Variants in TBC1D20 observed in about 807,000 individuals in gnomAD.
TBC1D20 encodes the protein chromosome 20 open reading frame 140.
A neutral mutation model predicts 41.6 loss-of-function variants in TBC1D20; 12 were observed. That is an observed-to-expected ratio of 0.29 (90% CI 0.18 to 0.47). The LOEUF is 0.47. Ranked by LOEUF, TBC1D20 falls within the 20% of genes least tolerant of loss-of-function variation. The probability of loss-of-function intolerance (pLI) is 1.00; values close to 1 mark genes in which losing one functional copy is unlikely to be tolerated. For missense variants in TBC1D20, 421 were observed against 517.4 expected (o/e 0.81, Z 1.81); for synonymous variants, 205 against 204.8 (o/e 1.00, Z -0.01).
chr20:439,195 G>C lies in TBC1D20; in HGVS notation c.869C>G (p.Thr290Arg), dbSNP rs771582965. 3 of 1,614,202 alleles carry C rather than the reference G, an allele frequency of 1.9e-6. No homozygotes were observed. The South Asian group carries it at 3.3e-5, about 18-fold the overall frequency. Residue 290 changes from threonine to arginine, a missense_variant, in exon 7 of 8, where the codon ACA (threonine) becomes AGA (arginine). Thr to Arg is a moderately conservative substitution (Grantham distance 71). Transcript: ENST00000354200. This position sits in a 1 kb window ranked among gnomAD's most constrained non-coding sequence, Gnocchi z 4.6. The stretch of plus-strand genomic sequence containing the variant: ...AAGGTCTCCTGCTCTGCTGATCAGT[G>C]TCTCATAGGGCAAGTCCTGAGGGAT... ...SQIPQDLPYETLISRAGDLFV... is the reference protein window; with the variant it reads ...SQIPQDLPYERLISRAGDLFV...
rs1052791789 is a variant in TBC1D20, at chr20:435,959, G to A, written c.*2627C>T. On this transcript the variant is annotated 3_prime_UTR_variant, in exon 8 of 8. Transcript: ENST00000354200. The stretch of plus-strand genomic sequence containing the variant: ...GGAGAAGGTCACAGACAGAGATTCC[G>A]TTTTCTGAGGCCTGCAGTGTCCCAA... 2.0e-5 allele frequency: 3 copies of A among 152,320 alleles called. No homozygotes were observed. Among genetic ancestry groups the A allele is most frequent in the Non-Finnish European group, 2.9e-5 (2 of 68,128 alleles). The allele number at this position is 152,320 out of a possible 1,614,324, so 9.4% of individuals were successfully genotyped here. A position where few individuals can be genotyped will look rare whatever the true frequency, so the allele number is the denominator to read the frequency against.
chr20:442,115 G>T, intron 3 of TBC1D20, 72 bp from the exon 4 acceptor site: 1 of 1,342,918 alleles, frequency 7.4e-7, no homozygotes, highest in Non-Finnish European at 1.0e-6. Flanking sequence ...AAGAAGGCCA[G>T]CAATGAATTT....
Position 448,147 on chromosome 20 carries a change from C to T in TBC1D20, c.71-73G>A, listed in dbSNP as rs149283080. 5.0e-4 allele frequency: 546 copies of T among 1,097,344 alleles called. 2 individuals are homozygous for T. The East Asian group carries it at 7.6e-3, about 15-fold the overall frequency. 68.0% of individuals were successfully genotyped at this position (1,097,344 alleles called of 1,614,324 possible). On this transcript the variant is annotated intron_variant, in intron 1 of 7. Coordinates refer to ENST00000354200, the MANE Select transcript of TBC1D20 (RefSeq NM_144628.4). ...TATTTTCTGCCTAGGACTCAAGCTC[C>T]TTTTTGATATGAGGTACAGGTAAGT... is the stretch of plus-strand genomic sequence containing the variant.
intron 2 of TBC1D20, 101 bp downstream of exon 2, chr20:447,788 T>C: frequency 9.9e-7 from 1 of 1,012,936 alleles, no homozygotes; most frequent in African/African-American, 1.6e-5. Flanking sequence ...TTTATTCATA[T>C]ACCCTTGGTT....
intron 1 of TBC1D20, among the ~76,000 whole-genome samples, chr20:460,215 C>G (rs1358221519): frequency 6.6e-6 from 1 of 151,840 alleles, no homozygotes; most frequent in African/African-American, 2.4e-5. Context: ...AAGGGGGGGG[C>G]CGTTTTGTGT....
chr20:435,747 T>G lies in TBC1D20; in HGVS notation c.*2839A>C, dbSNP rs542444432. On this transcript the variant is annotated 3_prime_UTR_variant, in exon 8 of 8. Transcript: ENST00000354200. ...ATAGGCATGGCTGAAGCATGGCAGCTGTGTTGAGATGAAACTGGACAAAAA... is the reference window on the plus strand; with the variant it reads ...ATAGGCATGGCTGAAGCATGGCAGCGGTGTTGAGATGAAACTGGACAAAAA... 1 of 152,606 alleles carries G rather than the reference T, an allele frequency of 6.6e-6. No individual in the cohort carries two copies. Among genetic ancestry groups the G allele is most frequent in the South Asian group, 2.1e-4 (1 of 4,850 alleles). 9.5% of individuals were successfully genotyped at this position (152,606 alleles called of 1,614,324 possible).
At chr20:456,590 T>A (rs1351968753) in intron 1 of TBC1D20, among the ~76,000 whole-genome samples, 1 of 151,956 alleles carries the variant, frequency 6.6e-6, no homozygotes, top group East Asian at 1.9e-4. Flanking sequence ...TGAGACGGAG[T>A]TACGCTCTTT....
At chr20:459,435 C>T (rs2017594300) in intron 1 of TBC1D20, among the ~76,000 whole-genome samples, 1 of 152,122 alleles carries the variant, frequency 6.6e-6, no homozygotes, top group African/African-American at 2.4e-5. Flanking sequence ...CAAGATAGTG[C>T]ACTATTATTC....
At chr20:446,945 T>G (rs1206697178) in intron 2 of TBC1D20, among the ~76,000 whole-genome samples, 1 of 31,974 alleles carries the variant, frequency 3.1e-5, no homozygotes. Context: ...AAATACGCAT[T>G]TTTTTTTTTT....
chr20:443,245 TC>T (rs2017272186), intron 3 of TBC1D20, among the ~76,000 whole-genome samples: 1 of 152,206 alleles, frequency 6.6e-6, no homozygotes, highest in Non-Finnish European at 1.5e-5. Flanking sequence ...AGTTACACGG[TC>T]CCCTTTAAAC....
Position 447,571 on chromosome 20 carries a change from T to C in TBC1D20, c.256+318A>G, listed in dbSNP as rs549827326. Among the ~76,000 whole-genome samples the C allele has an allele frequency of 1.2e-4, 18 of 151,964 alleles. No homozygotes were observed. In the South Asian group the frequency reaches 2.5e-3, roughly 21 times the overall value. Reference sequence around the variant, plus strand: ...TACTAGGAAGGCTGAGGCAGGAAAATTGCTTGAACCCAGGGGGCAGAGGTT... The same window carrying C: ...TACTAGGAAGGCTGAGGCAGGAAAACTGCTTGAACCCAGGGGGCAGAGGTT... On this transcript the variant is annotated intron_variant, in intron 2 of 7. Coordinates refer to ENST00000354200, the MANE Select transcript of TBC1D20 (RefSeq NM_144628.4).
chr20:456,764 C>T (rs977273739), intron 1 of TBC1D20, among the ~76,000 whole-genome samples: 1 of 150,188 alleles, frequency 6.7e-6, no homozygotes, highest in Non-Finnish European at 1.5e-5. Context: ...CGGGGTTTTG[C>T]CATGTTGGCC....
chr20:444,734 G>A (rs540181140), intron 3 of TBC1D20, among the ~76,000 whole-genome samples: 5 of 152,156 alleles, frequency 3.3e-5, no homozygotes, highest in African/African-American at 1.2e-4. Flanking sequence ...ATTCTTGTTG[G>A]TGCCCAATTC....
chr20:439,840 G>T lies in TBC1D20; in HGVS notation c.768+408C>A, dbSNP rs966303081. On this transcript the variant is annotated intron_variant, in intron 6 of 7. Coordinates refer to ENST00000354200, the MANE Select transcript of TBC1D20 (RefSeq NM_144628.4). The surrounding 1 kb of genome is among the most constrained non-coding windows in gnomAD (Gnocchi z 4.6). ...CTAACTGAAGCCCCTACCCTCCACC[G>T]CAAGCCGCCTCCCTTGTCTGTCATG... Among the ~76,000 whole-genome samples the T allele has an allele frequency of 6.6e-6, 1 of 152,182 alleles. No homozygotes were observed. Among genetic ancestry groups the T allele is most frequent in the African/African-American group, 2.4e-5 (1 of 41,518 alleles).
intron 1 of TBC1D20, among the ~76,000 whole-genome samples, chr20:450,994 C>T (rs975144344): frequency 5.9e-5 from 9 of 152,094 alleles, no homozygotes; most frequent in Admixed American, 5.2e-4. Context: ...TTCTAGTTGC[C>T]AGTACCATTG....
intron 1 of TBC1D20, among the ~76,000 whole-genome samples, chr20:455,723 A>C (rs2122421656): frequency 6.6e-6 from 1 of 152,198 alleles, no homozygotes; most frequent in African/African-American, 2.4e-5. Flanking sequence ...ACCTGAGGTC[A>C]GGCGTTCGAG....
chr20:447,900 G>A lies in TBC1D20; in HGVS notation c.245C>T (p.Pro82Leu), dbSNP rs2017365932. The change falls in exon 2 of 8, where the codon CCT (proline) becomes CTT (leucine). Residue 82 changes from proline to leucine, a missense_variant. Pro to Leu is a moderately conservative substitution (Grantham distance 98). Around this residue, in one of 3 missense-constraint regions of TBC1D20, gnomAD observed 150 missense variants for 151.3 expected, o/e 0.99. Transcript: ENST00000354200. ...KLLNVNANDP[P>L]PISGKNLRQM... is the part of the protein sequence containing the mutation. Reference sequence around the variant, plus strand: ...CCCACTCCCCTTACCTGATATAGGAGGTGGGTCATTGGCATTGACATTGAG... The same window carrying A: ...CCCACTCCCCTTACCTGATATAGGAAGTGGGTCATTGGCATTGACATTGAG... The A allele has an allele frequency of 3.1e-6, 5 of 1,612,522 alleles. No individual in the cohort carries two copies. Among genetic ancestry groups the A allele is most frequent in the South Asian group, 1.1e-5 (1 of 91,042 alleles).
chr20:442,730 ACTTACT>A (rs1201823731), intron 3 of TBC1D20, among the ~76,000 whole-genome samples: 7 of 152,182 alleles, frequency 4.6e-5, no homozygotes, highest in African/African-American at 1.7e-4. Flanking sequence ...CATGTTTGCA[ACTTACT>A]CTTAAATAGT....
chr20:447,488 T>G (rs2017358389), intron 2 of TBC1D20, among the ~76,000 whole-genome samples: 1 of 151,572 alleles, frequency 6.6e-6, no homozygotes, highest in Admixed American at 6.6e-5. Flanking sequence ...CAAAACCCCA[T>G]CTCTACTAAA....
Sources: allele counts gnomAD v4.1 joint callset (sites outside exome capture counted in the v4.1 genomes callset), GRCh38; gene constraint gnomAD v4.1.1; regional missense constraint gnomAD v4.1.1; non-coding constraint Gnocchi (gnomAD v3.1); transcripts MANE v1.5; gene names NCBI Gene and HGNC (gene_info 2026-07-23, HGNC 2026-07-21).